The following DISP1 variants were observed in gnomAD, a reference collection of about 807,000 sequenced individuals.
DISP1 encodes the protein protein dispatched homolog 1.
DISP1 carries 30 observed loss-of-function variants against 37.3 expected under a neutral mutation model. The ratio of observed to expected loss-of-function variants is 0.80; its 90% CI spans 0.60 to 1.09. The LOEUF is 1.09. Ranked by LOEUF, DISP1 falls within the 50% of genes least tolerant of loss-of-function variation. The pLI is 0.00. For synonymous variants in DISP1, 634 were observed against 690.2 expected (o/e 0.92, Z 1.28); for missense variants, 1,598 against 1,879.5 (o/e 0.85, Z 2.77).
chr1:222,989,403 C>A, intron 4 of DISP1: 4 of 985,360 alleles, frequency 4.1e-6, no homozygotes, highest in Non-Finnish European at 4.8e-6. Flanking sequence ...TTTTAGAAAA[C>A]GTTCAGTTTA....
chr1:222,902,483 A>C (rs1017138598), intron 1 of DISP1, among the ~76,000 whole-genome samples: 16 of 152,356 alleles, frequency 1.1e-4, no homozygotes, highest in Admixed American at 9.8e-4. Context: ...CAGCTTCTGC[A>C]CAGCAAAAGA....
At chr1:222,877,953 A>C (rs1001793003) in intron 1 of DISP1, among the ~76,000 whole-genome samples, 2 of 152,224 alleles carry the variant, frequency 1.3e-5, no homozygotes, top group Admixed American at 6.5e-5. Context: ...GAAATGGAGC[A>C]GAGTTCCAGT....
chr1:222,981,026 C>T (rs1212512405), intron 3 of DISP1, among the ~76,000 whole-genome samples: 3 of 152,138 alleles, frequency 2.0e-5, no homozygotes, highest in Non-Finnish European at 2.9e-5. Context: ...TGCAGTGAGC[C>T]GAGATCGTGC....
chr1:222,824,156 C>T (rs559137076), intron 1 of DISP1, among the ~76,000 whole-genome samples: 1 of 152,108 alleles, frequency 6.6e-6, no homozygotes, highest in East Asian at 1.9e-4. Context: ...TTTTTCAGAA[C>T]AGTAATAAGT....
At chr1:222,939,355 ATT>A (rs35313341) in intron 2 of DISP1, among the ~76,000 whole-genome samples, 3,576 of 112,896 alleles carry the variant, frequency 0.032, 155 homozygotes, top group African/African-American at 0.11. Context: ...AAGAAAAATA[ATT>A]TTTTTTTTTT....
intron 4 of DISP1, among the ~76,000 whole-genome samples, chr1:222,985,936 G>A (rs1397840173): frequency 1.3e-5 from 2 of 152,028 alleles, no homozygotes; most frequent in African/African-American, 4.8e-5. Flanking sequence ...GATGCCACTG[G>A]AAAAGTTATG....
chr1:222,951,354 C>A (rs1675203186), intron 3 of DISP1, among the ~76,000 whole-genome samples: 1 of 123,370 alleles, frequency 8.1e-6, no homozygotes, highest in African/African-American at 3.6e-5. Context: ...TATGAAGGGG[C>A]CTCTTTTAAA....
chr1:222,979,708 C>A (rs1436632225), intron 3 of DISP1: 1 of 469,494 alleles, frequency 2.1e-6, no homozygotes. Context: ...AGCTGCTAAG[C>A]CCTCACCAGC....
At chr1:222,966,962 A>G (rs1202243695) in intron 3 of DISP1, among the ~76,000 whole-genome samples, 1 of 152,094 alleles carries the variant, frequency 6.6e-6, no homozygotes, top group Non-Finnish European at 1.5e-5. Flanking sequence ...GATTCCTGGT[A>G]TGGAGTGGGA....
chr1:222,980,981 G>A (rs146724304), intron 3 of DISP1, among the ~76,000 whole-genome samples: 1,691 of 152,328 alleles, frequency 0.011, 35 homozygotes, highest in African/African-American at 0.039. Flanking sequence ...AGGTGGCTGA[G>A]GCAGGAGGAT....
intron 3 of DISP1, among the ~76,000 whole-genome samples, chr1:222,978,899 T>C (rs1301405199): frequency 6.6e-6 from 1 of 152,214 alleles, no homozygotes; most frequent in Non-Finnish European, 1.5e-5. Flanking sequence ...TTGGTACCAG[T>C]ACCATGCTGT....
chr1:222,866,374 T>G (rs866118129), intron 1 of DISP1, among the ~76,000 whole-genome samples: 22 of 152,188 alleles, frequency 1.4e-4, no homozygotes, highest in Middle Eastern at 3.4e-3. Context: ...AGGCAGAGTC[T>G]CACTGGGTCG....
chr1:222,861,598 T>TTATC (rs1260580569), intron 1 of DISP1, among the ~76,000 whole-genome samples: 1 of 152,224 alleles, frequency 6.6e-6, no homozygotes, highest in East Asian at 1.9e-4. Context: ...TTTCTAAGTA[T>TTATC]TATCACTCTT....
chr1:222,827,240 T>A (rs1046964436), intron 1 of DISP1: 2 of 152,194 alleles, frequency 1.3e-5, no homozygotes, highest in Non-Finnish European at 2.9e-5. Context: ...CATTTGAAGT[T>A]TGTCTTAGAT....
intron 1 of DISP1, among the ~76,000 whole-genome samples, chr1:222,833,533 A>G (rs1666282696): frequency 6.6e-6 from 1 of 152,218 alleles, no homozygotes; most frequent in Non-Finnish European, 1.5e-5. Flanking sequence ...AGAATATAGG[A>G]AATGGGGTTT....
At chr1:222,983,879 G>A (rs578229669) in intron 4 of DISP1, among the ~76,000 whole-genome samples, 2 of 152,078 alleles carry the variant, frequency 1.3e-5, no homozygotes, top group Non-Finnish European at 2.9e-5. Flanking sequence ...CCTAAAAAAA[G>A]CGTTTTCTCA....
intron 2 of DISP1, among the ~76,000 whole-genome samples, chr1:222,941,126 TGAG>T (rs1407773871): frequency 6.6e-6 from 1 of 152,016 alleles, no homozygotes; most frequent in East Asian, 1.9e-4. Context: ...TAGAAAATGA[TGAG>T]ATTAGTTCTT....
At chr1:222,880,545 A>G (rs140648179) in intron 1 of DISP1, among the ~76,000 whole-genome samples, 75 of 152,318 alleles carry the variant, frequency 4.9e-4, no homozygotes, top group African/African-American at 1.7e-3. Flanking sequence ...TTCTACAATG[A>G]CCTTTCAATG....
At chr1:222,885,924 A>C (rs1248054884) in intron 1 of DISP1, among the ~76,000 whole-genome samples, 1 of 151,876 alleles carries the variant, frequency 6.6e-6, no homozygotes, top group Non-Finnish European at 1.5e-5. Flanking sequence ...TCTCCTACTG[A>C]GATTATTCCT....
Sources: allele counts gnomAD v4.1 joint callset (sites outside exome capture counted in the v4.1 genomes callset), GRCh38; gene constraint gnomAD v4.1.1; transcripts MANE v1.5; gene names NCBI Gene and HGNC (gene_info 2026-07-23, HGNC 2026-07-21).